The following SGCZ variants were observed in gnomAD, a reference collection of about 807,000 sequenced individuals.
SGCZ encodes the protein sarcoglycan zeta.
Under a neutral mutation model 41.3 loss-of-function variants are expected in SGCZ, and 40 were observed. The ratio of observed to expected loss-of-function variants is 0.97; its 90% confidence interval spans 0.75 to 1.26. SGCZ has a LOEUF of 1.26. Ranked by LOEUF, SGCZ falls within the 50% of genes most tolerant of loss-of-function variation. SGCZ has a pLI of 0.00. For synonymous variants in SGCZ, 206 were observed against 137.5 expected (o/e 1.50, Z -3.49); for missense variants, 552 against 369.8 (o/e 1.49, Z -4.04).
At chr8:14,212,584 C>T (rs13271414) in intron 4 of SGCZ, among the ~76,000 whole-genome samples, 36,113 of 151,306 alleles carry the variant, frequency 0.24, 5,527 homozygotes, top group Non-Finnish European at 0.34. Flanking sequence ...GGTGGCGTGA[C>T]TGATAAAATA....
chr8:14,516,177 A>C (rs1465248614), intron 2 of SGCZ, among the ~76,000 whole-genome samples: 2 of 151,458 alleles, frequency 1.3e-5, no homozygotes, highest in Non-Finnish European at 2.9e-5. Context: ...TTGAGGGTAC[A>C]TGTGAAGGTT....
chr8:14,313,381 T>A (rs1485490617), intron 3 of SGCZ, among the ~76,000 whole-genome samples: 1 of 152,188 alleles, frequency 6.6e-6, no homozygotes, highest in African/African-American at 2.4e-5. Flanking sequence ...TTGCGCCATC[T>A]CGGCTCACTG....
intron 1 of SGCZ, among the ~76,000 whole-genome samples, chr8:14,735,312 GAGA>G (rs1162385722): frequency 1.3e-5 from 2 of 152,152 alleles, no homozygotes; most frequent in African/African-American, 2.4e-5. Context: ...AGTGGACTAG[GAGA>G]AGAAGACCCA....
At position 15,194,198 on chromosome 8, in the gene SGCZ, C is replaced by T. The variant is rs1266435768; in HGVS notation, c.39+43387G>A. On this transcript the variant is annotated intron_variant, in intron 1 of 7. Coordinates refer to ENST00000382080, the MANE Select transcript of SGCZ (RefSeq NM_139167.4). ...TCCCACCTCTAATCACACACACACACACACACACACACACACACACACACA... is the reference window on the plus strand; with the variant it reads ...TCCCACCTCTAATCACACACACACATACACACACACACACACACACACACA... 2.6e-5 allele frequency among the ~76,000 whole-genome samples: 4 copies of T among 151,174 alleles called. No homozygotes were observed. The East Asian group carries it at 7.8e-4, about 29-fold the overall frequency.
At chr8:15,109,946 T>C (rs1806981222) in intron 1 of SGCZ, among the ~76,000 whole-genome samples, 2 of 152,202 alleles carry the variant, frequency 1.3e-5, no homozygotes, top group South Asian at 4.1e-4. Flanking sequence ...TACATTAAAC[T>C]TTTAATGTTA....
intron 1 of SGCZ, among the ~76,000 whole-genome samples, chr8:14,717,408 A>C (rs535483785): frequency 6.6e-6 from 1 of 152,260 alleles, no homozygotes; most frequent in South Asian, 2.1e-4. Flanking sequence ...ATCAACATTA[A>C]AATATAGACA....
intron 1 of SGCZ, among the ~76,000 whole-genome samples, chr8:14,978,426 G>A (rs113534208): frequency 0.06 from 6,938 of 115,780 alleles, 584 homozygotes; most frequent in African/African-American, 0.2. Flanking sequence ...AGCCAAGATC[G>A]CGGCATTGCA....
chr8:14,372,316 G>C (rs1803943282), intron 2 of SGCZ, among the ~76,000 whole-genome samples: 1 of 152,136 alleles, frequency 6.6e-6, no homozygotes, highest in Non-Finnish European at 1.5e-5. Flanking sequence ...CCAACCAACA[G>C]TAACTATTAT....
intron 1 of SGCZ, among the ~76,000 whole-genome samples, chr8:14,834,482 C>G (rs1014748904): frequency 9.9e-5 from 15 of 152,082 alleles, no homozygotes; most frequent in African/African-American, 2.7e-4. Flanking sequence ...CATAGTTGCT[C>G]AGGAATTCAG....
chr8:14,823,590 A>C (rs1802188397), intron 1 of SGCZ, among the ~76,000 whole-genome samples: 1 of 152,306 alleles, frequency 6.6e-6, no homozygotes, highest in South Asian at 2.1e-4. Context: ...ATGTTAGAGA[A>C]CTTGTAGAGA....
In SGCZ at chr8:14,413,709, A is replaced by C. The variant is rs114524045; in HGVS notation, c.235-89505T>G. Among the ~76,000 whole-genome samples the C allele has an allele frequency of 4.9e-3, 741 of 152,126 alleles. 7 individuals carry two copies. The highest frequency in any genetic ancestry group is 0.016 in the African/African-American group (660 of 41,556). On this transcript the variant is annotated intron_variant, in intron 2 of 7. Coordinates refer to ENST00000382080, the MANE Select transcript of SGCZ (RefSeq NM_139167.4). Reference sequence around the variant, plus strand: ...GCCTATTTCCTTTTTTGAGAGCACTAAAATTGCATCTTCTTTGTCTATGCT... The same window carrying C: ...GCCTATTTCCTTTTTTGAGAGCACTCAAATTGCATCTTCTTTGTCTATGCT...
At chr8:14,546,366 G>A (rs1182932839) in intron 2 of SGCZ, among the ~76,000 whole-genome samples, 1 of 152,176 alleles carries the variant, frequency 6.6e-6, no homozygotes, top group Admixed American at 6.5e-5. Context: ...CCTCCAGAGT[G>A]CTTTCTTATC....
intron 4 of SGCZ, among the ~76,000 whole-genome samples, chr8:14,226,041 A>G (rs960436144): frequency 1.3e-5 from 2 of 152,042 alleles, no homozygotes; most frequent in African/African-American, 2.4e-5. Context: ...TGATATTCTA[A>G]TCACTTATTC....
At chr8:14,575,124 G>T (rs753657733) in intron 1 of SGCZ, among the ~76,000 whole-genome samples, 11 of 152,184 alleles carry the variant, frequency 7.2e-5, no homozygotes, top group Non-Finnish European at 1.5e-4. Context: ...AAATAAATTT[G>T]TGTTCATTAG....
intron 3 of SGCZ, among the ~76,000 whole-genome samples, chr8:14,286,390 C>G (rs969932642): frequency 3.3e-5 from 5 of 152,108 alleles, no homozygotes; most frequent in Non-Finnish European, 7.4e-5. Context: ...TTCTAATTAG[C>G]GAATGCGTGC....
intron 1 of SGCZ, among the ~76,000 whole-genome samples, chr8:14,721,740 A>G (rs752921582): frequency 1.3e-5 from 2 of 152,190 alleles, no homozygotes; most frequent in African/African-American, 2.4e-5. Context: ...TCTCATTTAA[A>G]TCTTCTGTTC....
At chr8:15,015,222 A>C (rs1802981044) in intron 1 of SGCZ, among the ~76,000 whole-genome samples, 1 of 151,886 alleles carries the variant, frequency 6.6e-6, no homozygotes, top group Non-Finnish European at 1.5e-5. Context: ...CAGCCTGAGA[A>C]ACAGAGTGAG....
intron 1 of SGCZ, among the ~76,000 whole-genome samples, chr8:14,727,869 G>A (rs1810109806): frequency 6.6e-6 from 1 of 151,976 alleles, no homozygotes; most frequent in South Asian, 2.1e-4. Flanking sequence ...CATCAACAGA[G>A]GAATAAGTTA....
chr8:15,237,457 C>T, intron 1 of SGCZ, 128 bp downstream of exon 1: 1 of 1,154,842 alleles, frequency 8.7e-7, no homozygotes, highest in Non-Finnish European at 1.2e-6. Flanking sequence ...TGCGCGTCCC[C>T]CCAACGCCCC....
Sources: gnomAD v4.1 joint callset for allele counts (sites outside exome capture counted in the v4.1 genomes callset) on GRCh38, gnomAD v4.1.1 for gene constraint, MANE v1.5 for transcripts, NCBI Gene and HGNC (gene_info 2026-07-23, HGNC 2026-07-21) for gene names.